SOX5: variants seen among roughly 807,000 people sequenced by gnomAD.
The protein encoded by SOX5 is transcription factor SOX-5.
A neutral mutation model predicts 92.0 loss-of-function variants in SOX5; 9 were observed. That is an observed-to-expected ratio of 0.10 (90% CI 0.06 to 0.17). SOX5 has a LOEUF of 0.17. Among genes scored for constraint, SOX5 ranks in the 10% least tolerant of loss-of-function variants. The pLI, the probability that SOX5 is intolerant of heterozygous loss-of-function variation, is 1.00. For synonymous variants in SOX5, 344 were observed against 336.3 expected (o/e 1.02, Z -0.25); for missense variants, 642 against 944.5 (o/e 0.68, Z 4.20).
chr12:24,449,534 C>T (rs953091197), intron 1 of SOX5, among the ~76,000 whole-genome samples: 3 of 152,180 alleles, frequency 2.0e-5, no homozygotes, highest in Non-Finnish European at 4.4e-5. Flanking sequence ...ATTTTCATGT[C>T]GCTTTGTGTT....
At chr12:24,277,379 T>C (rs929473916) in intron 2 of SOX5, 1 of 116,300 alleles carries the variant, frequency 8.6e-6, no homozygotes, top group African/African-American at 2.7e-5. Context: ...CATATGACTC[T>C]TGAAAATAGA....
intron 2 of SOX5, among the ~76,000 whole-genome samples, chr12:23,848,472 C>A (rs1301971497): frequency 6.6e-6 from 1 of 152,118 alleles, no homozygotes; most frequent in Non-Finnish European, 1.5e-5. Context: ...ACTATTTCAC[C>A]TGCCTGATTA....
At chr12:23,691,849 T>C (rs1030700022) in intron 6 of SOX5, among the ~76,000 whole-genome samples, 8 of 152,180 alleles carry the variant, frequency 5.3e-5, no homozygotes, top group Admixed American at 3.9e-4. Context: ...TATATTTGCC[T>C]CTTAGTTCAT....
At chr12:24,391,592 A>G (rs7138772) in intron 1 of SOX5, among the ~76,000 whole-genome samples, 3,940 of 152,246 alleles carry the variant, frequency 0.026, 76 homozygotes, top group East Asian at 0.05. Flanking sequence ...AATCCATATT[A>G]CCATACTGTC....
chr12:24,501,614 T>C (rs1566322320), intron 1 of SOX5, among the ~76,000 whole-genome samples: 1 of 152,058 alleles, frequency 6.6e-6, no homozygotes, highest in Non-Finnish European at 1.5e-5. Context: ...TTGCTTGAGG[T>C]CAGGAGTTTG....
Position 24,016,814 on chromosome 12 carries a change from C to T in SOX5, c.-1-120790G>A, listed in dbSNP as rs556615243. On this transcript the variant is annotated intron_variant, in intron 4 of 4. Transcript: ENST00000446891. ...GAAAGAGAGCAAAAGGCTGTGACACCGTGCTGAAAACCAAGGATTAGTGTG... is the reference window on the plus strand; with the variant it reads ...GAAAGAGAGCAAAAGGCTGTGACACTGTGCTGAAAACCAAGGATTAGTGTG... Among the ~76,000 whole-genome samples the T allele has an allele frequency of 5.3e-5, 8 of 152,226 alleles. No individual in the cohort carries two copies. The South Asian group carries it at 1.5e-3, about 28-fold the overall frequency.
intron 3 of SOX5, among the ~76,000 whole-genome samples, chr12:23,812,950 G>A (rs1051867192): frequency 3.9e-5 from 6 of 152,192 alleles, no homozygotes; most frequent in Non-Finnish European, 2.9e-5. Context: ...CTAAATGATA[G>A]GAAGAAAAAT....
chr12:24,075,398 G>T (rs943610231), intron 4 of SOX5, among the ~76,000 whole-genome samples: 3 of 149,870 alleles, frequency 2.0e-5, no homozygotes, highest in Admixed American at 6.7e-5. Flanking sequence ...TTGTCAATAT[G>T]TTTTGAGAAA....
At chr12:23,598,943 C>T (rs887343278) in intron 9 of SOX5, among the ~76,000 whole-genome samples, 1 of 152,126 alleles carries the variant, frequency 6.6e-6, no homozygotes, top group Non-Finnish European at 1.5e-5. Context: ...TCTGATTTCT[C>T]GTACTGCTAG....
intron 9 of SOX5, among the ~76,000 whole-genome samples, chr12:23,577,028 T>C (rs1205900541): frequency 6.6e-6 from 1 of 150,756 alleles, no homozygotes; most frequent in Non-Finnish European, 1.5e-5. Flanking sequence ...TTAAAGTATA[T>C]GTTAATTACT....
At chr12:24,304,987 C>T (rs1948410355) in intron 2 of SOX5, among the ~76,000 whole-genome samples, 1 of 152,160 alleles carries the variant, frequency 6.6e-6, no homozygotes, top group South Asian at 2.1e-4. Flanking sequence ...GGCACCCTCC[C>T]CCTCAATCAA....
rs1948465368 is a variant in SOX5, at chr12:24,503,841, G to A, written c.-251+58488C>T. 2.0e-5 allele frequency among the ~76,000 whole-genome samples: 3 copies of A among 152,248 alleles called. No individual in the cohort carries two copies. In the South Asian group the frequency reaches 6.2e-4, roughly 32 times the overall value. ...GCCTGTCAGGGGTTGGTGGGTAGGG[G>A]AGGGATAGCATTAGAAGAAATACCT... On this transcript the variant is annotated intron_variant, in intron 1 of 4. Transcript: ENST00000446891.
At chr12:24,529,540 A>C (rs974720326) in intron 1 of SOX5, among the ~76,000 whole-genome samples, 2 of 152,270 alleles carry the variant, frequency 1.3e-5, no homozygotes, top group Non-Finnish European at 2.9e-5. Flanking sequence ...AAGAAAAAGA[A>C]AACAAGAAGC....
intron 3 of SOX5, among the ~76,000 whole-genome samples, chr12:23,798,397 G>T (rs1019730875): frequency 2.6e-4 from 40 of 152,014 alleles, no homozygotes; most frequent in African/African-American, 9.6e-4. Context: ...TACTCTTTTA[G>T]TAGTTTTAGA....
At chr12:23,579,022 T>A (rs778253664) in intron 9 of SOX5, among the ~76,000 whole-genome samples, 1 of 152,078 alleles carries the variant, frequency 6.6e-6, no homozygotes, top group Non-Finnish European at 1.5e-5. Context: ...GGGAAGATAT[T>A]TATGAGCACA....
At chr12:23,701,009 G>T (rs895977577) in intron 6 of SOX5, among the ~76,000 whole-genome samples, 2 of 151,418 alleles carry the variant, frequency 1.3e-5, no homozygotes, top group Non-Finnish European at 2.9e-5. Context: ...TTCATATGGA[G>T]TATTTAAAAG....
intron 3 of SOX5, among the ~76,000 whole-genome samples, chr12:23,790,542 A>T (rs10771030): frequency 0.067 from 3,177 of 47,458 alleles, 75 homozygotes; most frequent in African/African-American, 0.18. Context: ...TCTCTCTCTC[A>T]ATCTCTCACA....
At chr12:24,235,443 A>G (rs2051243329) in intron 3 of SOX5, among the ~76,000 whole-genome samples, 1 of 152,218 alleles carries the variant, frequency 6.6e-6, no homozygotes. Context: ...ATTCAAAACT[A>G]AAGAACCAAC....
At chr12:23,577,271 C>A (rs1293546308) in intron 9 of SOX5, among the ~76,000 whole-genome samples, 1 of 142,862 alleles carries the variant, frequency 7.0e-6, no homozygotes, top group Non-Finnish European at 1.5e-5. Flanking sequence ...CTCGGCTCAT[C>A]GTGATCTCCG....
Sources: allele counts gnomAD v4.1 joint callset (sites outside exome capture counted in the v4.1 genomes callset), GRCh38; gene constraint gnomAD v4.1.1; transcripts MANE v1.5; gene names NCBI Gene and HGNC (gene_info 2026-07-23, HGNC 2026-07-21).